MEIOC: variants seen among roughly 807,000 people sequenced by gnomAD.
The protein encoded by MEIOC is meiosis specific with coiled-coil domain.
In MEIOC, 9 loss-of-function variants were observed where a neutral mutation model predicts 85.3. The ratio of observed to expected loss-of-function variants is 0.11; its 90% CI spans 0.06 to 0.18. MEIOC has a LOEUF of 0.18. Ranked by LOEUF, MEIOC falls within the 10% of genes least tolerant of loss-of-function variation. The pLI, the probability that MEIOC is intolerant of heterozygous loss-of-function variation, is 1.00. For missense variants in MEIOC, 898 were observed against 1,129.4 expected, an observed-to-expected ratio of 0.80 and a Z score of 2.94; for synonymous variants, 365 against 393.7, an observed-to-expected ratio of 0.93 and a Z score of 0.86.
intron 6 of MEIOC, among the ~76,000 whole-genome samples, chr17:44,671,537 G>C (rs1055498105): frequency 2.1e-5 from 3 of 145,680 alleles, no homozygotes; most frequent in African/African-American, 7.9e-5. Flanking sequence ...GACAGAGTGG[G>C]ACCCTGTCTC....
rs779543413 is a variant in MEIOC, at chr17:44,656,601, T to TG, written c.-7dup. On this transcript the variant is annotated 5_prime_UTR_variant, in exon 1 of 8. Transcript: ENST00000409122. ...GAGCTGTGCCTAGTCCAGGAGAGGC[T>TG]GGGGGGCGCCCCATGGAGGTGAGAC... is the stretch of plus-strand genomic sequence containing the variant. 2.6e-5 allele frequency: 38 copies of TG among 1,468,196 alleles called. No homozygotes were observed. The East Asian group carries it at 1.0e-3, about 39-fold the overall frequency. The allele number at this position is 1,468,196 out of a possible 1,614,324, so 90.9% of individuals were successfully genotyped here. A position where few individuals can be genotyped will look rare whatever the true frequency, so the allele number is the denominator to read the frequency against.
chr17:44,671,629 G>C (rs187695224), intron 6 of MEIOC, among the ~76,000 whole-genome samples: 52 of 151,870 alleles, frequency 3.4e-4, no homozygotes, highest in African/African-American at 1.1e-3. Flanking sequence ...CATTTTCGCC[G>C]GGCGTGGTGG....
rs760898313 is a variant in MEIOC, at chr17:44,666,967, A to G, written c.1056A>G (p.Lys352=). ...ATTTTAGTGTCCAAGATAGCAAAAA[A>G]TTAGCCAATGGCACACCTGAAACAC... is the stretch of plus-strand genomic sequence containing the variant. ...CSNFSVQDSK[K]LANGTPETPT... The change falls in exon 5 of 8, where the codon AAA becomes AAG. Residue 352 remains lysine (K), a synonymous_variant. Transcript: ENST00000409122. The G allele has an allele frequency of 3.7e-6, 6 of 1,612,862 alleles. No individual in the cohort carries two copies. The highest frequency in any genetic ancestry group is 2.2e-5 in the East Asian group (1 of 44,874).
chr17:44,666,540 G>A lies in MEIOC; in HGVS notation c.629G>A (p.Arg210His), dbSNP rs1028188421. ...SVSAMEKQYL[R>H]NSNLTPQQKI... ...TCAGCAATGGAAAAGCAATACCTGC[G>A]TAACAGTAATCTCACACCACAACAA... The change falls in exon 5 of 8, where the codon CGT becomes CAT. Residue 210 changes from arginine (R) to histidine (H), a missense_variant. By Grantham distance (29) the Arg-to-His change is conservative (BLOSUM62 0). Around this residue, in one of 2 missense-constraint regions of MEIOC, gnomAD observed 734 missense variants for 860.1 expected, o/e 0.85. Coordinates refer to ENST00000409122, the MANE Select transcript of MEIOC (RefSeq NM_001145080.3). 12 of 1,609,386 alleles carry A rather than the reference G, an allele frequency of 7.5e-6. No individual in the cohort carries two copies. The highest frequency in any genetic ancestry group is 4.0e-5 in the African/African-American group (3 of 74,834).
chr17:44,666,249 T>C, intron 4 of MEIOC, 127 bp from the exon 5 acceptor site: 1 of 732,386 alleles, frequency 1.4e-6, no homozygotes, highest in Admixed American at 3.0e-5. Flanking sequence ...AAAGCAGAGT[T>C]GAAAGGGATT....
At chr17:44,673,677 TCTC>T in intron 7 of MEIOC, 131 bp downstream of exon 7, 2 of 822,360 alleles carry the variant, frequency 2.4e-6, no homozygotes, top group Non-Finnish European at 3.7e-6. Flanking sequence ...TGGTAAATAA[TCTC>T]CACATTATTT....
At chr17:44,664,212 A>T (rs1971877112) in intron 3 of MEIOC, among the ~76,000 whole-genome samples, 1 of 152,034 alleles carries the variant, frequency 6.6e-6, no homozygotes, top group South Asian at 2.1e-4. Context: ...ACAAAAAAAA[A>T]TTAGCCAGGC....
intron 2 of MEIOC, among the ~76,000 whole-genome samples, chr17:44,661,581 T>C (rs1971842058): frequency 6.6e-6 from 1 of 152,112 alleles, no homozygotes; most frequent in South Asian, 2.1e-4. Flanking sequence ...AGACAGAGTC[T>C]CGCTCTGTCG....
intron 2 of MEIOC, among the ~76,000 whole-genome samples, 167 bp from the exon 3 acceptor site, chr17:44,662,150 C>G (rs140697174): frequency 6.0e-4 from 92 of 152,278 alleles, no homozygotes; most frequent in African/African-American, 2.0e-3. Flanking sequence ...TTTTGCAGAA[C>G]AAGTTTGCCA....
rs1972050218 is a variant in MEIOC at position 44,674,513 on chromosome 17, A to T, written c.*317A>T. 1 of 1,046,762 alleles carries T rather than the reference A, an allele frequency of 9.6e-7. No individual in the cohort carries two copies. The highest frequency in any genetic ancestry group is 1.7e-5 in the African/African-American group (1 of 59,644). 64.8% of individuals were successfully genotyped at this position (1,046,762 alleles called of 1,614,324 possible). On this transcript the variant is annotated 3_prime_UTR_variant, in exon 8 of 8. Coordinates refer to ENST00000409122, the MANE Select transcript of MEIOC (RefSeq NM_001145080.3). The stretch of plus-strand genomic sequence containing the variant: ...TGCCATGCAGGTAAATGCAAATGTG[A>T]AATTCTTCTAGGAGATAAATTTCAT...
At chr17:44,660,755 A>T (rs889906143) in intron 2 of MEIOC, among the ~76,000 whole-genome samples, 1 of 152,046 alleles carries the variant, frequency 6.6e-6, no homozygotes, top group African/African-American at 2.4e-5. Context: ...CACTTTCCCT[A>T]CATGGTCCCT....
At chr17:44,663,153 A>T (rs1280401861) in intron 3 of MEIOC, among the ~76,000 whole-genome samples, 1 of 152,200 alleles carries the variant, frequency 6.6e-6, no homozygotes, top group African/African-American at 2.4e-5. Flanking sequence ...AAGATATTTT[A>T]AATTATTTTT....
chr17:44,668,373 G>A (rs945748346), intron 5 of MEIOC, 140 bp downstream of exon 5: 27 of 812,816 alleles, frequency 3.3e-5, no homozygotes, highest in African/African-American at 6.9e-5. Flanking sequence ...ACAGAGTCTC[G>A]CTCTGTTGCC....
At chr17:44,664,751 T>C (rs1813334677) in intron 3 of MEIOC, among the ~76,000 whole-genome samples, 1 of 152,222 alleles carries the variant, frequency 6.6e-6, no homozygotes, top group East Asian at 1.9e-4. Context: ...ACATTTTGTA[T>C]TTAGTCAGTA....
intron 6 of MEIOC, 133 bp downstream of exon 6, chr17:44,669,650 A>T: frequency 1.2e-6 from 1 of 812,244 alleles, no homozygotes; most frequent in Non-Finnish European, 2.0e-6. Flanking sequence ...ACCTGAAGTC[A>T]GGAGTTCGAG....
At chr17:44,670,762 C>T (rs1971995860) in intron 6 of MEIOC, 1 of 125,194 alleles carries the variant, frequency 8.0e-6, no homozygotes, top group Non-Finnish European at 1.9e-5. Context: ...TGGTCTCAAA[C>T]TCCTGAGCTC....
In MEIOC at chr17:44,668,226, G is replaced by C; in HGVS notation, c.2315G>C (p.Arg772Thr). The C allele has an allele frequency of 6.3e-7, 1 of 1,586,988 alleles. No homozygotes were observed. The highest frequency in any genetic ancestry group is 8.5e-7 in the Non-Finnish European group (1 of 1,171,022). Residue 772 changes from arginine to threonine, a missense_variant, in exon 5 of 8, where the codon AGA (arginine) becomes ACA (threonine). Physicochemically the swap from Arg to Thr is moderately conservative, Grantham distance 71. Coordinates refer to ENST00000409122, the MANE Select transcript of MEIOC (RefSeq NM_001145080.3). ...CAATGGAGAGCATTAGAAAAAGAGAGAAAAAAGGTAACACAAAGTTAACCA... is the reference window on the plus strand; with the variant it reads ...CAATGGAGAGCATTAGAAAAAGAGACAAAAAAGGTAACACAAAGTTAACCA... ...CEQWRALEKERKKTELALAKN... is the reference protein window; with the variant it reads ...CEQWRALEKETKKTELALAKN...
At position 44,665,386 on chromosome 17, in the gene MEIOC, T is replaced by C. The variant is rs899415366; in HGVS notation, c.362T>C (p.Ile121Thr). 2.0e-6 allele frequency: 3 copies of C among 1,528,812 alleles called. No homozygotes were observed. Among genetic ancestry groups the C allele is most frequent in the African/African-American group, 2.8e-5 (2 of 72,430 alleles). 94.7% of individuals were successfully genotyped at this position (1,528,812 alleles called of 1,614,324 possible). ...AGCACGAATTCATTTATTTTTAGGA[T>C]TCAAACAGAAAGAAATGACTATGGC... ...SNSQISIKNR[I>T]QTERNDYGSE... The change falls in exon 4 of 8, where the codon ATT (isoleucine) becomes ACT (threonine). Residue 121 changes from isoleucine to threonine, a missense_variant and splice_region_variant. Ile to Thr is a moderately conservative substitution (Grantham distance 89). Transcript: ENST00000409122.
In MEIOC at chr17:44,656,554, C is replaced by A. The variant is rs571195173; in HGVS notation, c.-60C>A. 13 of 1,286,234 alleles carry A rather than the reference C, an allele frequency of 1.0e-5. No homozygotes were observed. In the East Asian group the frequency reaches 3.5e-4, roughly 34 times the overall value. 79.7% of individuals were successfully genotyped at this position (1,286,234 alleles called of 1,614,324 possible). On this transcript the variant is annotated 5_prime_UTR_variant, in exon 1 of 8. Transcript: ENST00000409122. ...TGAGGGAGCCGGGCCTGGACGCCCC[C>A]CCCATCACCCCCGTACCCCAGGAGC...
Sources: gnomAD v4.1 joint callset for allele counts (sites outside exome capture counted in the v4.1 genomes callset) on GRCh38, gnomAD v4.1.1 for gene constraint, gnomAD v4.1.1 regional missense constraint, MANE v1.5 for transcripts, NCBI Gene and HGNC (gene_info 2026-07-23, HGNC 2026-07-21) for gene names.